The following ANKS1B variants were observed in gnomAD, a reference collection of about 807,000 sequenced individuals.
ANKS1B encodes the protein ankyrin repeat and sterile alpha motif domain containing 1B.
A neutral mutation model predicts 148.3 loss-of-function variants in ANKS1B; 36 were observed. That is an observed-to-expected ratio of 0.24 (90% confidence interval 0.19 to 0.32). The LOEUF (loss-of-function observed/expected upper bound fraction) is 0.32. Ranked by LOEUF, ANKS1B falls within the 10% of genes least tolerant of loss-of-function variation. The pLI, the probability that ANKS1B is intolerant of heterozygous loss-of-function variation, is 1.00. For missense variants in ANKS1B, 1,157 were observed against 1,542.6 expected (o/e 0.75, Z 4.19); for synonymous variants, 542 against 560.8 (o/e 0.97, Z 0.47).
At chr12:99,596,068 C>T (rs1294419553) in intron 9 of ANKS1B, among the ~76,000 whole-genome samples, 1 of 151,782 alleles carries the variant, frequency 6.6e-6, no homozygotes. Context: ...GTAGACTCTT[C>T]GATCTGAATA....
At chr12:98,963,109 A>C (rs2099874606) in intron 17 of ANKS1B, among the ~76,000 whole-genome samples, 1 of 152,204 alleles carries the variant, frequency 6.6e-6, no homozygotes, top group African/African-American at 2.4e-5. Context: ...GAAATAAATA[A>C]AATTAAAATG....
intron 1 of ANKS1B, among the ~76,000 whole-genome samples, chr12:99,849,120 T>C (rs2087237249): frequency 6.6e-6 from 1 of 152,142 alleles, no homozygotes; most frequent in Non-Finnish European, 1.5e-5. Flanking sequence ...GATGGATTCA[T>C]TCATATCCCA....
At chr12:99,030,374 A>C (rs2099951284) in intron 17 of ANKS1B, among the ~76,000 whole-genome samples, 1 of 152,118 alleles carries the variant, frequency 6.6e-6, no homozygotes, top group Non-Finnish European at 1.5e-5. Context: ...TTGTAGTTAC[A>C]CATGGGAGTC....
chr12:99,210,825 C>T (rs4237909), intron 14 of ANKS1B, among the ~76,000 whole-genome samples: 45,115 of 152,062 alleles, frequency 0.3, 8,177 homozygotes, highest in East Asian at 0.53. Context: ...TTCCTAATAT[C>T]CTTGGCATTA....
At chr12:99,871,656 TG>T (rs1205396819) in intron 1 of ANKS1B, among the ~76,000 whole-genome samples, 1 of 152,190 alleles carries the variant, frequency 6.6e-6, no homozygotes, top group African/African-American at 2.4e-5. Flanking sequence ...CTAGGTATTT[TG>T]TTTTTGTGTG....
At chr12:99,702,743 C>T (rs1454747737) in intron 8 of ANKS1B, among the ~76,000 whole-genome samples, 1 of 151,464 alleles carries the variant, frequency 6.6e-6, no homozygotes, top group Admixed American at 6.6e-5. Flanking sequence ...CAGAGTTTCC[C>T]TATGTTGCCT....
intron 9 of ANKS1B, among the ~76,000 whole-genome samples, chr12:99,579,938 T>C (rs1207070765): frequency 2.6e-5 from 4 of 152,034 alleles, no homozygotes; most frequent in African/African-American, 7.2e-5. Context: ...AGCAAAGACA[T>C]GAAATCAACC....
At chr12:98,954,092 CCTG>C (rs2099858494) in intron 17 of ANKS1B, among the ~76,000 whole-genome samples, 1 of 152,212 alleles carries the variant, frequency 6.6e-6, no homozygotes, top group Non-Finnish European at 1.5e-5. Context: ...CTGCCTCAGA[CCTG>C]CTGAATTCAA....
At chr12:99,768,838 A>AG in intron 8 of ANKS1B, among the ~76,000 whole-genome samples, 1 of 150,036 alleles carries the variant, frequency 6.7e-6, no homozygotes, top group East Asian at 2.0e-4. Flanking sequence ...AAAAAAAAAA[A>AG]AAAAAAAAAA....
intron 2 of ANKS1B, among the ~76,000 whole-genome samples, chr12:99,817,867 T>C (rs969160774): frequency 2.0e-5 from 3 of 151,866 alleles, no homozygotes; most frequent in African/African-American, 4.8e-5. Context: ...GGTTTTTTGC[T>C]ATTGGGTTTT....
chr12:99,744,705 C>T (rs780880084), intron 8 of ANKS1B, among the ~76,000 whole-genome samples: 1 of 152,090 alleles, frequency 6.6e-6, no homozygotes, highest in Non-Finnish European at 1.5e-5. Flanking sequence ...TAAAAAGATA[C>T]TTCAGGCCAG....
intron 10 of ANKS1B, among the ~76,000 whole-genome samples, chr12:99,486,968 A>G (rs879943512): frequency 1.1e-4 from 16 of 152,178 alleles, no homozygotes; most frequent in South Asian, 2.1e-4. Context: ...AGAAGCCCCA[A>G]CTGTGCCTGC....
At chr12:99,538,447 T>C (rs772299938) in intron 9 of ANKS1B, among the ~76,000 whole-genome samples, 10 of 152,168 alleles carry the variant, frequency 6.6e-5, no homozygotes, top group Non-Finnish European at 1.5e-4. Flanking sequence ...CAATGGTTTA[T>C]AGTTTTCATC....
intron 1 of ANKS1B, among the ~76,000 whole-genome samples, chr12:99,867,306 A>G (rs548956292): frequency 2.6e-5 from 4 of 152,154 alleles, no homozygotes; most frequent in Non-Finnish European, 2.9e-5. Context: ...AACCCATCCT[A>G]TAAGACAACT....
intron 12 of ANKS1B, among the ~76,000 whole-genome samples, chr12:99,372,551 TATG>T (rs1347739334): frequency 6.6e-6 from 1 of 152,214 alleles, no homozygotes; most frequent in Non-Finnish European, 1.5e-5. Flanking sequence ...AATGATATTT[TATG>T]ATATGTTTTC....
intron 9 of ANKS1B, among the ~76,000 whole-genome samples, chr12:99,579,228 C>T (rs1394978919): frequency 6.6e-6 from 1 of 152,082 alleles, no homozygotes; most frequent in Non-Finnish European, 1.5e-5. Context: ...AAATATAAGA[C>T]TTAAAATGTT....
intron 25 of ANKS1B, among the ~76,000 whole-genome samples, chr12:98,755,461 A>G (rs1404394497): frequency 6.6e-6 from 1 of 152,208 alleles, no homozygotes; most frequent in Non-Finnish European, 1.5e-5. Context: ...AACGCCTGGT[A>G]CTGGGTCTGG....
chr12:99,346,606 CA>C (rs139579858), intron 12 of ANKS1B, among the ~76,000 whole-genome samples: 1 of 151,676 alleles, frequency 6.6e-6, no homozygotes, highest in Non-Finnish European at 1.5e-5. Context: ...CACTGAAAAG[CA>C]AAAAACAAAA....
rs1477155984 is a variant in ANKS1B at position 98,751,324 on chromosome 12, T to G, written c.3747+31A>C. ...AGCCCCTTTTCCTCCTGTTCAAGGT[T>G]TTTTAGAACATCTGTATCGTTTCTA... is the stretch of plus-strand genomic sequence containing the variant. On this transcript the variant is annotated intron_variant, in intron 26 of 26. Coordinates refer to ENST00000683438, the MANE Select transcript of ANKS1B (RefSeq NM_001352186.2). This position sits in a 1 kb window ranked among gnomAD's most constrained non-coding sequence, Gnocchi z 4.3. The G allele has an allele frequency of 1.2e-6, 2 of 1,608,484 alleles. No individual in the cohort carries two copies. Among genetic ancestry groups the G allele is most frequent in the Non-Finnish European group, 1.7e-6 (2 of 1,177,562 alleles).
Sources: allele counts gnomAD v4.1 joint callset (sites outside exome capture counted in the v4.1 genomes callset), GRCh38; gene constraint gnomAD v4.1.1; non-coding constraint Gnocchi (gnomAD v3.1); transcripts MANE v1.5; gene names NCBI Gene and HGNC (gene_info 2026-07-23, HGNC 2026-07-21).